PRR5: variants seen among roughly 807,000 people sequenced by gnomAD.
PRR5 encodes proline rich 5, also known as proline-rich protein 5.
In PRR5, 25 loss-of-function variants were observed where a neutral mutation model predicts 30.6. The ratio of observed to expected loss-of-function variants is 0.82; its 90% CI spans 0.60 to 1.14. PRR5 has a LOEUF of 1.14. Ranked by LOEUF, PRR5 falls within the 50% of genes most tolerant of loss-of-function variation. The pLI, the probability that PRR5 is intolerant of heterozygous loss-of-function variation, is 0.00. For missense variants in PRR5, 600 were observed against 547.1 expected, an observed-to-expected ratio of 1.10 and a Z score of -0.96; for synonymous variants, 286 against 247.1, an observed-to-expected ratio of 1.16 and a Z score of -1.48.
In PRR5 at chr22:44,737,220, C is replaced by T; in HGVS notation, c.1140C>T (p.Gly380=). Residue 380 remains glycine, a synonymous_variant, in exon 8 of 8, where the codon GGC becomes GGT. Transcript: ENST00000336985. ...GCTCTGGCATGTCCGACTTGGAGGG[C>T]TCTGGGGGCCGGCAGAGTGTCGTGT... is the stretch of plus-strand genomic sequence containing the variant. The part of the protein sequence containing the change: ...GRGSGMSDLE[G]SGGRQSVV 3 of 1,605,364 alleles carry T rather than the reference C, an allele frequency of 1.9e-6. No individual in the cohort carries two copies. The highest frequency in any genetic ancestry group is 2.6e-6 in the Non-Finnish European group (3 of 1,174,138).
chr22:44,684,022 C>G (rs12169229), intron 1 of PRR5, among the ~76,000 whole-genome samples: 13,679 of 152,198 alleles, frequency 0.09, 773 homozygotes, highest in East Asian at 0.27. Flanking sequence ...GGGTGTGTCC[C>G]CCGGACTGGG....
intron 2 of PRR5, among the ~76,000 whole-genome samples, chr22:44,723,483 T>G (rs889936612): frequency 3.3e-5 from 5 of 151,040 alleles, no homozygotes; most frequent in Non-Finnish European, 7.4e-5. Context: ...ACTTTGGGAG[T>G]CCGAGGCAGG....
chr22:44,724,724 G>A (rs1029691021), intron 2 of PRR5, among the ~76,000 whole-genome samples: 16 of 152,196 alleles, frequency 1.1e-4, no homozygotes, highest in Non-Finnish European at 1.9e-4. Flanking sequence ...TGACCTCTGC[G>A]AGCCTCTCTT....
intron 7 of PRR5, among the ~76,000 whole-genome samples, chr22:44,736,042 G>A (rs1329472269): frequency 6.6e-6 from 1 of 152,144 alleles, no homozygotes; most frequent in Non-Finnish European, 1.5e-5. Context: ...GGCCACTCTT[G>A]GGATTGCAGG....
At chr22:44,677,997 C>T (rs554561098) in intron 1 of PRR5, among the ~76,000 whole-genome samples, 60 of 152,238 alleles carry the variant, frequency 3.9e-4, no homozygotes, top group African/African-American at 1.4e-3. Context: ...CTGGGGGCCT[C>T]AAGGACCAGC....
chr22:44,687,692 T>G (rs1232193733), intron 1 of PRR5, among the ~76,000 whole-genome samples: 1 of 152,186 alleles, frequency 6.6e-6, no homozygotes, highest in Non-Finnish European at 1.5e-5. Flanking sequence ...TCCTGGCTGC[T>G]ATCACAGTTT....
chr22:44,680,068 G>C (rs1490777615), intron 1 of PRR5, among the ~76,000 whole-genome samples: 1 of 152,194 alleles, frequency 6.6e-6, no homozygotes, highest in Non-Finnish European at 1.5e-5. Flanking sequence ...TCCCTCCTGG[G>C]AGCTGCTGTG....
intron 1 of PRR5, among the ~76,000 whole-genome samples, chr22:44,683,893 G>C (rs994020646): frequency 2.6e-4 from 40 of 152,252 alleles, no homozygotes; most frequent in African/African-American, 8.9e-4. Context: ...TCCTTGATAG[G>C]GTTCATGGAT....
chr22:44,711,415 A>G (rs1380160603), intron 1 of PRR5, among the ~76,000 whole-genome samples: 1 of 152,116 alleles, frequency 6.6e-6, no homozygotes, highest in Non-Finnish European at 1.5e-5. Flanking sequence ...TCAGGAGGGC[A>G]GTGTGAGTGA....
chr22:44,717,773 A>G lies in PRR5; in HGVS notation c.215+3102A>G, dbSNP rs568276886. 2.9e-4 allele frequency among the ~76,000 whole-genome samples: 43 copies of G among 150,638 alleles called. No homozygotes were observed. The South Asian group carries it at 7.6e-3, about 27-fold the overall frequency. ...CTCTTGTTGCCCAGGCTAGAGTGCA[A>G]TGGCGTGATCTCGGCTCACCACAAC... On this transcript the variant is annotated intron_variant, in intron 2 of 7. Transcript: ENST00000336985.
At chr22:44,733,502 G>A (rs970882584) in intron 6 of PRR5, among the ~76,000 whole-genome samples, 5 of 152,332 alleles carry the variant, frequency 3.3e-5, no homozygotes, top group Non-Finnish European at 2.9e-5. Context: ...AGGAAGGGGC[G>A]GCCAGTGTGG....
intron 2 of PRR5, 90 bp downstream of exon 2, chr22:44,714,761 G>T: frequency 1.3e-6 from 2 of 1,499,552 alleles, no homozygotes; most frequent in Non-Finnish European, 9.1e-7. Context: ...CCCCTGACCC[G>T]CCAGCCACGC....
chr22:44,726,850 C>G (rs898452059), intron 4 of PRR5, among the ~76,000 whole-genome samples: 1 of 152,162 alleles, frequency 6.6e-6, no homozygotes, highest in Non-Finnish European at 1.5e-5. Context: ...TTGCTGGAGC[C>G]CAGGAGGGCT....
At chr22:44,684,219 G>A (rs1196211972) in intron 1 of PRR5, among the ~76,000 whole-genome samples, 4 of 152,228 alleles carry the variant, frequency 2.6e-5, no homozygotes, top group Admixed American at 1.3e-4. Flanking sequence ...CTGGAAGCCA[G>A]TCTGATCCAG....
At chr22:44,714,539 C>G in intron 1 of PRR5, 52 bp from the exon 2 acceptor site, 1 of 1,604,358 alleles carries the variant, frequency 6.2e-7, no homozygotes, top group Non-Finnish European at 8.5e-7. Flanking sequence ...GATGGGCAAC[C>G]AGGGGGCTCT....
At chr22:44,672,625 T>C (rs184678161), upstream of PRR5, among the ~76,000 whole-genome samples, 1 of 152,224 alleles carries the variant, frequency 6.6e-6, no homozygotes, top group African/African-American at 2.4e-5. Context: ...AGAAAACACA[T>C]GTATTTGTCT....
chr22:44,706,258 G>C (rs904504634), intron 1 of PRR5, among the ~76,000 whole-genome samples: 4 of 152,196 alleles, frequency 2.6e-5, no homozygotes, highest in African/African-American at 7.2e-5. Context: ...TTGATTGATT[G>C]ATTGATTCAT....
At chr22:44,672,370 G>A (rs976262741), upstream of PRR5, among the ~76,000 whole-genome samples, 2 of 152,092 alleles carry the variant, frequency 1.3e-5, no homozygotes, top group African/African-American at 4.8e-5. Flanking sequence ...GGATCACCTG[G>A]GGTCAGGAGT....
Position 44,691,471 on chromosome 22 carries a change from T to A in PRR5, c.-10-11021T>A, listed in dbSNP as rs1010625807. ...TGGCACGCCTGGAGCTGACTCCTCC[T>A]GCCCCTGTGAAGAGTTGGGGCCCCT... On this transcript the variant is annotated intron_variant, in intron 1 of 8. Coordinates refer to the PRR5 transcript ENST00000006251. This position sits in a 1 kb window ranked among gnomAD's most constrained non-coding sequence, Gnocchi z 4.4. Among the ~76,000 whole-genome samples the A allele has an allele frequency of 6.6e-6, 1 of 152,140 alleles. No homozygotes were observed. Among genetic ancestry groups the A allele is most frequent in the East Asian group, 1.9e-4 (1 of 5,172 alleles).
Sources: allele counts gnomAD v4.1 joint callset (sites outside exome capture counted in the v4.1 genomes callset), GRCh38; gene constraint gnomAD v4.1.1; non-coding constraint Gnocchi (gnomAD v3.1); transcripts MANE v1.5; gene names NCBI Gene and HGNC (gene_info 2026-07-23, HGNC 2026-07-21).